ALK: variants seen among roughly 807,000 people sequenced by gnomAD.
The protein encoded by ALK is ALK receptor tyrosine kinase, also known as ALK tyrosine kinase receptor.
Under a neutral mutation model 163.1 loss-of-function variants are expected in ALK, and 74 were observed. The observed-to-expected ratio is 0.45, with a 90% CI of 0.38 to 0.55. The LOEUF is 0.55. Among genes scored for constraint, ALK ranks in the 20% least tolerant of loss-of-function variants. The probability of loss-of-function intolerance (pLI) is 0.00; values close to 1 mark genes in which losing one functional copy is unlikely to be tolerated. For missense variants in ALK, 2,063 were observed against 2,105.3 expected (o/e 0.98, Z 0.39); for synonymous variants, 960 against 843.2 (o/e 1.14, Z -2.40).
rs1391059611 is a variant in ALK, at chr2:29,920,570, G to C, written c.90C>G (p.Gly30=). 6.3e-7 allele frequency: 1 copy of C among 1,591,474 alleles called. No homozygotes were observed. The highest frequency in any genetic ancestry group is 8.5e-7 in the Non-Finnish European group (1 of 1,172,724). The stretch of plus-strand genomic sequence containing the variant: ...GCAGCGGCGGCCCCGCAGCTGGGGA[G>C]CCCGCGCGCTGGCCGGTCCCCATCC... ...GSGMGTGQRA[G]SPAAGPPLQP... Residue 30 remains glycine (G), a synonymous_variant, in exon 1 of 29, where the codon GGC becomes GGG. Coordinates refer to ENST00000389048, the MANE Select transcript of ALK (RefSeq NM_004304.5).
intron 3 of ALK, among the ~76,000 whole-genome samples, chr2:29,653,385 A>G (rs557743668): frequency 6.6e-6 from 1 of 152,126 alleles, no homozygotes; most frequent in Non-Finnish European, 1.5e-5. Context: ...CTTTAGGTAC[A>G]TCACATCTTG....
chr2:29,806,679 A>G (rs1028090901), intron 1 of ALK, among the ~76,000 whole-genome samples: 4 of 152,168 alleles, frequency 2.6e-5, no homozygotes, highest in African/African-American at 9.7e-5. Flanking sequence ...GAGGACTTAA[A>G]GCCTTCCGGG....
chr2:29,561,413 G>A lies in ALK; in HGVS notation c.953-29297C>T, dbSNP rs1293799110. 3.3e-5 allele frequency among the ~76,000 whole-genome samples: 5 copies of A among 152,140 alleles called. No individual in the cohort carries two copies. In the East Asian group the frequency reaches 5.8e-4, roughly 18 times the overall value. ...GCCCCTGGCTATACAACAGTAGCCC[G>A]GTGATTGGAGGAGGGGTGTTGGGCT... On this transcript the variant is annotated intron_variant, in intron 3 of 28. Transcript: ENST00000389048.
chr2:29,441,944 T>C (rs909526997), intron 4 of ALK, among the ~76,000 whole-genome samples: 1 of 152,236 alleles, frequency 6.6e-6, no homozygotes, highest in Admixed American at 6.5e-5. Flanking sequence ...TGTTGTCTTG[T>C]AGAGGCACAA....
At chr2:29,781,576 G>T (rs1380563800) in intron 1 of ALK, among the ~76,000 whole-genome samples, 1 of 152,218 alleles carries the variant, frequency 6.6e-6, no homozygotes, top group Non-Finnish European at 1.5e-5. Flanking sequence ...AGCAAACAAA[G>T]AATCTGTCTC....
intron 26 of ALK, among the ~76,000 whole-genome samples, chr2:29,201,033 A>G (rs967635222): frequency 1.3e-5 from 2 of 151,864 alleles, no homozygotes; most frequent in African/African-American, 2.4e-5. Context: ...GTTCTGTATC[A>G]GCCTTTAAAA....
intron 3 of ALK, among the ~76,000 whole-genome samples, chr2:29,686,622 G>A (rs1334245486): frequency 6.6e-6 from 1 of 152,144 alleles, no homozygotes; most frequent in Non-Finnish European, 1.5e-5. Context: ...CCAGGCCTCT[G>A]CTCCCCCAGC....
chr2:29,714,172 A>G (rs1164165380), intron 2 of ALK, among the ~76,000 whole-genome samples: 4 of 152,198 alleles, frequency 2.6e-5, no homozygotes, highest in Non-Finnish European at 5.9e-5. Context: ...AAAGAAAAAT[A>G]AAGTCTTTCT....
intron 24 of ALK, among the ~76,000 whole-genome samples, chr2:29,210,794 T>C (rs1371753241): frequency 6.6e-6 from 1 of 152,224 alleles, no homozygotes; most frequent in East Asian, 1.9e-4. Context: ...GAATCGCTTC[T>C]TCCAGGTGAT....
intron 24 of ALK, among the ~76,000 whole-genome samples, chr2:29,210,569 G>A (rs1003046796): frequency 5.3e-5 from 8 of 152,034 alleles, no homozygotes; most frequent in Non-Finnish European, 7.4e-5. Context: ...AGTAGCTGGG[G>A]TTACAGGCAT....
chr2:29,266,279 T>G lies in ALK; in HGVS notation c.2041+8820A>C, dbSNP rs570237662. Among the ~76,000 whole-genome samples, 14 of 152,280 alleles carry G rather than the reference T, an allele frequency of 9.2e-5. No homozygotes were observed. In the South Asian group the frequency reaches 2.9e-3, roughly 32 times the overall value. On this transcript the variant is annotated intron_variant, in intron 11 of 28. Coordinates refer to ENST00000389048, the MANE Select transcript of ALK (RefSeq NM_004304.5). ...AATTAGGTTGGGGGAATTTACTGAA[T>G]GAGAGGACACAAAATTCAAGATATT...
intron 1 of ALK, among the ~76,000 whole-genome samples, chr2:29,795,944 T>C (rs192225153): frequency 1.4e-4 from 22 of 152,246 alleles, no homozygotes; most frequent in Admixed American, 4.6e-4. Flanking sequence ...TAGGATGAGG[T>C]TGACAACGGC....
intron 1 of ALK, among the ~76,000 whole-genome samples, chr2:29,886,496 G>A (rs1175289003): frequency 6.6e-6 from 1 of 152,194 alleles, no homozygotes; most frequent in Non-Finnish European, 1.5e-5. Flanking sequence ...AGACTAAACA[G>A]AAAAAGAGAT....
chr2:29,310,639 C>T lies in ALK; in HGVS notation c.1647+7665G>A, dbSNP rs17007859. On this transcript the variant is annotated intron_variant, in intron 8 of 28. Transcript: ENST00000389048. ...GAGATCCCAGATTCCTGTGGGCTAT[C>T]TCCCCGCATGGCTGGCCACACGGCA... 9.0e-3 allele frequency among the ~76,000 whole-genome samples: 1,371 copies of T among 152,334 alleles called. 18 individuals are homozygous for T. The highest frequency in any genetic ancestry group is 0.031 in the African/African-American group (1,289 of 41,568).
rs1036849989 is a variant in ALK, at chr2:29,742,414, C to T, written c.668-24717G>A. On this transcript the variant is annotated intron_variant, in intron 1 of 28. Transcript: ENST00000389048. Reference sequence around the variant, plus strand: ...AGCTGGAGTTGAGAGAAGAGATGGGCGGCCTTGCCTCTGTTACAGGCTGTG... The same window carrying T: ...AGCTGGAGTTGAGAGAAGAGATGGGTGGCCTTGCCTCTGTTACAGGCTGTG... Among the ~76,000 whole-genome samples, 7 of 152,304 alleles carry T rather than the reference C, an allele frequency of 4.6e-5. No homozygotes were observed. The South Asian group carries it at 6.2e-4, about 14-fold the overall frequency.
intron 3 of ALK, among the ~76,000 whole-genome samples, chr2:29,598,676 T>C (rs1007363874): frequency 6.6e-6 from 1 of 152,168 alleles, no homozygotes; most frequent in African/African-American, 2.4e-5. Context: ...TATACTATAA[T>C]GTATACTGAT....
At chr2:29,875,556 T>C (rs1666682414) in intron 1 of ALK, among the ~76,000 whole-genome samples, 1 of 152,162 alleles carries the variant, frequency 6.6e-6, no homozygotes, top group Non-Finnish European at 1.5e-5. Flanking sequence ...ATGCATTAGG[T>C]ATTTCTCCTA....
At chr2:29,272,315 G>C (rs74709442) in intron 11 of ALK, among the ~76,000 whole-genome samples, 5,952 of 152,210 alleles carry the variant, frequency 0.039, 140 homozygotes, top group Middle Eastern at 0.078. Flanking sequence ...CTTAATACTT[G>C]CCCCATTTTC....
chr2:29,666,920 T>C (rs763260480), intron 3 of ALK, among the ~76,000 whole-genome samples: 13 of 152,078 alleles, frequency 8.5e-5, no homozygotes, highest in Non-Finnish European at 1.9e-4. Context: ...AGCTCCCACA[T>C]AGAAATGAGA....
Sources: allele counts gnomAD v4.1 joint callset (sites outside exome capture counted in the v4.1 genomes callset), GRCh38; gene constraint gnomAD v4.1.1; transcripts MANE v1.5; gene names NCBI Gene and HGNC (gene_info 2026-07-23, HGNC 2026-07-21).